Variants in NRG3 observed in about 807,000 individuals in gnomAD.
NRG3 encodes pro-neuregulin-3, membrane-bound isoform.
NRG3 carries 31 observed loss-of-function variants against 66.9 expected under a neutral mutation model. The observed-to-expected ratio is 0.46, with a 90% CI of 0.35 to 0.63. The LOEUF (loss-of-function observed/expected upper bound fraction) is 0.63. NRG3 is among the 20% of genes least tolerant of loss of function. The pLI is 0.00. For missense variants in NRG3, 910 were observed against 878.9 expected (o/e 1.04, Z -0.45); for synonymous variants, 393 against 359.4 (o/e 1.09, Z -1.06).
At chr10:82,880,609 C>T (rs893196634) in intron 4 of NRG3, among the ~76,000 whole-genome samples, 1 of 152,104 alleles carries the variant, frequency 6.6e-6, no homozygotes, top group Non-Finnish European at 1.5e-5. Flanking sequence ...ATGATGATAT[C>T]CTACTTTGTG....
At chr10:82,568,026 T>C (rs1476234551) in intron 2 of NRG3, among the ~76,000 whole-genome samples, 1 of 151,914 alleles carries the variant, frequency 6.6e-6, no homozygotes, top group Non-Finnish European at 1.5e-5. Flanking sequence ...GTTTTGTCAT[T>C]TCTTAAATGA....
intron 2 of NRG3, among the ~76,000 whole-genome samples, chr10:82,606,792 A>G (rs2047992533): frequency 6.6e-6 from 1 of 152,168 alleles, no homozygotes; most frequent in Non-Finnish European, 1.5e-5. Context: ...AAAATTGCTA[A>G]AGGTGTTCTT....
chr10:82,337,105 A>C lies in NRG3; in HGVS notation c.824-21634A>C, dbSNP rs2082431057. On this transcript the variant is annotated intron_variant, in intron 1 of 8. Transcript: ENST00000372141. ...TTTGTCCCCTTTTACTTCTTACTAA[A>C]CTGGAAACATAAAAAAGGGTTTATA... is the stretch of plus-strand genomic sequence containing the variant. Among the ~76,000 whole-genome samples, 8 of 152,276 alleles carry C rather than the reference A, an allele frequency of 5.3e-5. No homozygotes were observed. In the South Asian group the frequency reaches 1.7e-3, roughly 32 times the overall value.
At chr10:82,078,710 G>A (rs1420785690) in intron 1 of NRG3, among the ~76,000 whole-genome samples, 1 of 152,202 alleles carries the variant, frequency 6.6e-6, no homozygotes, top group Non-Finnish European at 1.5e-5. Flanking sequence ...TTCTCCTGAA[G>A]GCATAATGCA....
At chr10:81,964,993 A>C (rs73306578) in intron 1 of NRG3, among the ~76,000 whole-genome samples, 3,193 of 152,268 alleles carry the variant, frequency 0.021, 123 homozygotes, top group African/African-American at 0.073. Context: ...CAAACATATT[A>C]AAATGTAACA....
chr10:82,501,540 T>C (rs614472), intron 2 of NRG3, among the ~76,000 whole-genome samples: 65,596 of 151,812 alleles, frequency 0.43, 18,033 homozygotes, highest in African/African-American at 0.77. Context: ...CATTCCATGG[T>C]CCCTTCGTTC....
intron 2 of NRG3, among the ~76,000 whole-genome samples, chr10:82,454,790 T>C (rs1050879519): frequency 3.9e-5 from 6 of 152,182 alleles, no homozygotes; most frequent in African/African-American, 1.2e-4. Context: ...TGAAATCAAC[T>C]ATAGAGGCAA....
At chr10:82,094,007 C>T (rs898841783) in intron 1 of NRG3, among the ~76,000 whole-genome samples, 2 of 152,108 alleles carry the variant, frequency 1.3e-5, no homozygotes, top group East Asian at 3.9e-4. Flanking sequence ...AGACATTAAC[C>T]TTCTGCTTTG....
chr10:82,224,144 A>AAC (rs1564681708), intron 1 of NRG3: 1 of 152,234 alleles, frequency 6.6e-6, no homozygotes, highest in African/African-American at 2.4e-5. Context: ...TGTGAGCACC[A>AAC]ACACTGCAGA....
intron 1 of NRG3, among the ~76,000 whole-genome samples, chr10:82,189,035 AGT>A (rs1564645529): frequency 6.6e-6 from 1 of 152,224 alleles, no homozygotes; most frequent in African/African-American, 2.4e-5. Flanking sequence ...GAAATAATTA[AGT>A]AAACTGGATA....
In NRG3 at chr10:82,212,844, G is replaced by A. The variant is rs546528146; in HGVS notation, c.824-145895G>A. Among the ~76,000 whole-genome samples the A allele has an allele frequency of 1.1e-4, 17 of 152,226 alleles. No homozygotes were observed. The East Asian group carries it at 3.1e-3, about 28-fold the overall frequency. On this transcript the variant is annotated intron_variant, in intron 1 of 8. Transcript: ENST00000372141. ...ATCTGATGTGCATTATGAAACATAC[G>A]TAAGTAAAACCTTTTAAAGGAAAAT... is the stretch of plus-strand genomic sequence containing the variant.
chr10:82,226,179 G>A (rs2076155003), intron 1 of NRG3, among the ~76,000 whole-genome samples: 1 of 152,128 alleles, frequency 6.6e-6, no homozygotes, highest in African/African-American at 2.4e-5. Flanking sequence ...TAAAGGAGAA[G>A]CAATTACTCC....
At chr10:82,687,766 G>T (rs1015279534) in intron 2 of NRG3, among the ~76,000 whole-genome samples, 2 of 152,090 alleles carry the variant, frequency 1.3e-5, no homozygotes, top group Non-Finnish European at 2.9e-5. Context: ...ATAAGAGTAG[G>T]TCTAGGAAGC....
chr10:82,449,755 A>G (rs1481147704), intron 2 of NRG3, among the ~76,000 whole-genome samples: 2 of 152,146 alleles, frequency 1.3e-5, no homozygotes, highest in East Asian at 1.9e-4. Flanking sequence ...AACGTCTTTC[A>G]GGGTAGAAAC....
chr10:82,148,052 C>T (rs778939891), intron 1 of NRG3, among the ~76,000 whole-genome samples: 90 of 152,136 alleles, frequency 5.9e-4, no homozygotes, highest in Admixed American at 2.2e-3. Context: ...TTATTCATTT[C>T]CTTATAGCTT....
intron 1 of NRG3, among the ~76,000 whole-genome samples, chr10:82,214,198 G>T (rs2075551070): frequency 6.6e-6 from 1 of 152,252 alleles, no homozygotes; most frequent in Non-Finnish European, 1.5e-5. Flanking sequence ...AAGCAATGAT[G>T]CTAATAGGAT....
At chr10:82,869,479 A>G (rs879885177) in intron 4 of NRG3, among the ~76,000 whole-genome samples, 10 of 152,088 alleles carry the variant, frequency 6.6e-5, no homozygotes, top group African/African-American at 9.7e-5. Context: ...CCATTATTAT[A>G]TTATCCTACA....
intron 2 of NRG3, among the ~76,000 whole-genome samples, chr10:82,383,458 C>A (rs1407152512): frequency 6.6e-6 from 1 of 151,398 alleles, no homozygotes; most frequent in African/African-American, 2.4e-5. Context: ...AGCATTGACT[C>A]ATTTTTGTGT....
intron 2 of NRG3, among the ~76,000 whole-genome samples, chr10:82,482,795 T>C (rs1423510002): frequency 6.6e-6 from 1 of 152,074 alleles, no homozygotes; most frequent in East Asian, 1.9e-4. Flanking sequence ...TTCATAGAGG[T>C]GCAATTATGG....
Sources: allele counts gnomAD v4.1 joint callset (sites outside exome capture counted in the v4.1 genomes callset), GRCh38; gene constraint gnomAD v4.1.1; transcripts MANE v1.5; gene names NCBI Gene and HGNC (gene_info 2026-07-23, HGNC 2026-07-21).